The following FAN1 variants were observed in gnomAD, a reference collection of about 807,000 sequenced individuals.
FAN1 encodes FANCD2 and FANCI associated nuclease 1.
A neutral mutation model predicts 104.9 loss-of-function variants in FAN1; 91 were observed. That is an observed-to-expected ratio of 0.87 (90% confidence interval 0.73 to 1.03). The LOEUF is 1.03. FAN1 is among the 50% of genes least tolerant of loss of function. The pLI is 0.00. For missense variants in FAN1, 1,263 were observed against 1,239.9 expected, an observed-to-expected ratio of 1.02 and a Z score of -0.28; for synonymous variants, 478 against 457.6, an observed-to-expected ratio of 1.04 and a Z score of -0.57.
At chr15:30,928,406 C>T in intron 10 of FAN1, 147 bp from the exon 11 acceptor site, 1 of 1,473,710 alleles carries the variant, frequency 6.8e-7, no homozygotes, top group East Asian at 2.4e-5. Context: ...GGCGTGAAAA[C>T]AGCATTTGCT....
chr15:30,925,115 G>T lies in FAN1; in HGVS notation c.2173-12G>T. 6.2e-7 allele frequency: 1 copy of T among 1,605,446 alleles called. No homozygotes were observed. On this transcript the variant is annotated splice_polypyrimidine_tract_variant and intron_variant, in intron 8 of 14. Transcript: ENST00000362065. ...TTTTAGGAGCCTGATGTGTGACCAT[G>T]CTCTCTGCCAGACTATCAAGTGCAT... is the stretch of plus-strand genomic sequence containing the variant.
At chr15:30,915,546 GTC>G (rs149102077) in intron 5 of FAN1, among the ~76,000 whole-genome samples, 3,332 of 152,194 alleles carry the variant, frequency 0.022, 118 homozygotes, top group African/African-American at 0.076. Flanking sequence ...GGGCAGGAGG[GTC>G]ACTTGAGTCC....
chr15:30,929,528 T>C (rs891705154), intron 12 of FAN1, 131 bp downstream of exon 12: 13 of 239,116 alleles, frequency 5.4e-5, no homozygotes, highest in Admixed American at 1.4e-4. Context: ...ATATATATGA[T>C]ATATAGTATA....
rs777848880 is a variant in FAN1 at position 30,941,720 on chromosome 15, A to C, written c.*158A>C. ...GGGGCCACTGCGCTGTTGCCGCAGC[A>C]TCCTGCTCAGTACGTCGACTTCATC... On this transcript the variant is annotated 3_prime_UTR_variant, in exon 15 of 15. Coordinates refer to ENST00000362065, the MANE Select transcript of FAN1 (RefSeq NM_014967.5). 1.2e-6 allele frequency: 2 copies of C among 1,613,968 alleles called. No homozygotes were observed. Among genetic ancestry groups the C allele is most frequent in the South Asian group, 2.2e-5 (2 of 91,080 alleles).
chr15:30,942,927 A>G lies in FAN1; in HGVS notation c.*1365A>G. ...AAAAGACTTCACGGAGCCATTCTGTATACAAGGTGTGCTCTTTCCAATGTA... is the reference window on the plus strand; with the variant it reads ...AAAAGACTTCACGGAGCCATTCTGTGTACAAGGTGTGCTCTTTCCAATGTA... On this transcript the variant is annotated 3_prime_UTR_variant, in exon 15 of 15. Transcript: ENST00000362065. 4 of 1,568,590 alleles carry G rather than the reference A, an allele frequency of 2.6e-6. No individual in the cohort carries two copies. The highest frequency in any genetic ancestry group is 2.6e-6 in the Non-Finnish European group (3 of 1,154,466).
chr15:30,911,889 C>T (rs2062108226), intron 4 of FAN1: 1 of 163,396 alleles, frequency 6.1e-6, no homozygotes, highest in African/African-American at 2.4e-5. Flanking sequence ...TGGTAAAACC[C>T]TGTCTCTACT....
Position 30,925,264 on chromosome 15 carries a change from A to G in FAN1, c.2310A>G (p.Pro770=). ...KKFKHLFQQL[P]EMAVQDVKHV... is the part of the protein sequence containing the mutation. ...TCAAGCACCTCTTCCAGCAGCTCCC[A>G]GAAATGGCTGTGCAAGATGTGAAAC... Residue 770 remains proline (P), a synonymous_variant, in exon 9 of 15, where the codon CCA becomes CCG. Coordinates refer to ENST00000362065, the MANE Select transcript of FAN1 (RefSeq NM_014967.5). 6.2e-7 allele frequency: 1 copy of G among 1,614,182 alleles called. No individual in the cohort carries two copies. Among genetic ancestry groups the G allele is most frequent in the Non-Finnish European group, 8.5e-7 (1 of 1,180,034 alleles).
At chr15:30,923,350 T>C (rs2062381061) in intron 8 of FAN1, among the ~76,000 whole-genome samples, 1 of 152,178 alleles carries the variant, frequency 6.6e-6, no homozygotes, top group Non-Finnish European at 1.5e-5. Flanking sequence ...AGAAAGCTTG[T>C]GTTTCTGTCG....
Position 30,937,268 on chromosome 15 carries a change from T to C in FAN1, c.*3+9T>C. ...AAAGCCTTAGCTAAAAGGTATGGAA[T>C]TGGGGATATTTGGTCATACATTAAT... is the stretch of plus-strand genomic sequence containing the variant. On this transcript the variant is annotated intron_variant, in intron 14 of 14. Transcript: ENST00000362065. 6.3e-7 allele frequency: 1 copy of C among 1,596,300 alleles called. No homozygotes were observed. The highest frequency in any genetic ancestry group is 2.2e-5 in the East Asian group (1 of 44,744).
rs1361496139 is a variant in FAN1 at position 30,910,748 on chromosome 15, G to C, written c.1510G>C (p.Ala504Pro). 5 of 1,614,098 alleles carry C rather than the reference G, an allele frequency of 3.1e-6. No homozygotes were observed. The South Asian group carries it at 5.5e-5, about 18-fold the overall frequency. The part of the protein sequence containing the change: ...QQLVDAFLKL[A>P]KQRSVCTWGK... ...GCTGGTGGACGCCTTTCTCAAATTG[G>C]CCAAACAGCGTTCAGTCTGCACTTG... Residue 504 changes from alanine (A) to proline (P), a missense_variant, in exon 4 of 15, where the codon GCC becomes CCC. Physicochemically the swap from Ala to Pro is conservative, Grantham distance 27. Transcript: ENST00000362065.
chr15:30,911,510 C>G, intron 4 of FAN1: 1 of 983,862 alleles, frequency 1.0e-6, no homozygotes, highest in Non-Finnish European at 1.2e-6. Context: ...AAATACTAAT[C>G]TTTAATGAAA....
chr15:30,927,940 G>A (rs756325327), intron 10 of FAN1: 2 of 985,700 alleles, frequency 2.0e-6, no homozygotes, highest in East Asian at 1.1e-4. Flanking sequence ...TTTGTGTGAC[G>A]TGAGGAGGGG....
At chr15:30,940,664 T>G in intron 14 of FAN1, 1 of 986,630 alleles carries the variant, frequency 1.0e-6, no homozygotes, top group Non-Finnish European at 1.2e-6. Context: ...CAGAGGCCAC[T>G]CCCCAGTGGC....
chr15:30,909,790 C>T (rs565639104), intron 3 of FAN1, among the ~76,000 whole-genome samples: 4 of 152,218 alleles, frequency 2.6e-5, no homozygotes, highest in Non-Finnish European at 5.9e-5. Flanking sequence ...CGTGGCCACA[C>T]GGCATAGTTC....
intron 12 of FAN1, 68 bp from the exon 13 acceptor site, chr15:30,930,475 A>C: frequency 6.6e-7 from 1 of 1,525,914 alleles, no homozygotes; most frequent in South Asian, 1.3e-5. Context: ...CCGTCTCGTG[A>C]TCCCTGGAGC....
At chr15:30,937,662 G>C (rs1280333418) in intron 14 of FAN1, among the ~76,000 whole-genome samples, 1 of 151,560 alleles carries the variant, frequency 6.6e-6, no homozygotes, top group Non-Finnish European at 1.5e-5. Flanking sequence ...ATGTTGGTTG[G>C]CCAGGTTGGT....
At chr15:30,919,329 G>A (rs1430477300) in intron 6 of FAN1, among the ~76,000 whole-genome samples, 1 of 141,602 alleles carries the variant, frequency 7.1e-6, no homozygotes, top group African/African-American at 2.7e-5. Context: ...GTGGTGAGCT[G>A]AGATCACGCC....
intron 8 of FAN1, 37 bp from the exon 9 acceptor site, chr15:30,925,086 GTTTT>G: frequency 6.4e-7 from 1 of 1,563,138 alleles, no homozygotes; most frequent in Non-Finnish European, 8.7e-7. Flanking sequence ...GCCGCCATGG[GTTTT>G]TTTAGGAGCC....
intron 6 of FAN1, 143 bp downstream of exon 6, chr15:30,918,438 G>C: frequency 1.3e-6 from 1 of 795,844 alleles, no homozygotes; most frequent in Non-Finnish European, 2.0e-6. Flanking sequence ...TGCGTGCTTT[G>C]CCTAGAATGA....
Sources: allele counts gnomAD v4.1 joint callset (sites outside exome capture counted in the v4.1 genomes callset), GRCh38; gene constraint gnomAD v4.1.1; transcripts MANE v1.5; gene names NCBI Gene and HGNC (gene_info 2026-07-23, HGNC 2026-07-21).